The following CTNNA3 variants were observed in gnomAD, a reference collection of about 807,000 sequenced individuals.
CTNNA3 encodes the protein catenin alpha 3.
A neutral mutation model predicts 95.7 loss-of-function variants in CTNNA3; 76 were observed. That is an observed-to-expected ratio of 0.79 (90% CI 0.66 to 0.96). The LOEUF is 0.96. Ranked by LOEUF, CTNNA3 falls within the 40% of genes least tolerant of loss-of-function variation. CTNNA3 has a pLI of 0.00. For synonymous variants in CTNNA3, 431 were observed against 374.4 expected (o/e 1.15, Z -1.74); for missense variants, 1,191 against 1,089.8 (o/e 1.09, Z -1.31).
chr10:66,442,053 T>A (rs1162698772), intron 11 of CTNNA3, among the ~76,000 whole-genome samples: 1 of 152,196 alleles, frequency 6.6e-6, no homozygotes, highest in Non-Finnish European at 1.5e-5. Context: ...CAGTCAACCC[T>A]CTTTCTCCTG....
chr10:67,210,388 A>G lies in CTNNA3; in HGVS notation c.843+9219T>C, dbSNP rs141320774. On this transcript the variant is annotated intron_variant, in intron 6 of 17. Coordinates refer to ENST00000433211, the MANE Select transcript of CTNNA3 (RefSeq NM_013266.4). ...TTGCTAAAAAGAAAATTCTTTACAG[A>G]GAAGAAAATAAAAATTCAGATTTTT... 3.4e-3 allele frequency among the ~76,000 whole-genome samples: 515 copies of G among 152,352 alleles called. 1 individual carries two copies. Among genetic ancestry groups the G allele is most frequent in the African/African-American group, 0.012 (492 of 41,590 alleles).
chr10:66,386,131 G>C (rs1589173173), intron 11 of CTNNA3, among the ~76,000 whole-genome samples: 1 of 152,210 alleles, frequency 6.6e-6, no homozygotes, highest in East Asian at 1.9e-4. Context: ...AGGGTATTCA[G>C]TTAGGAAATG....
intron 1 of CTNNA3, among the ~76,000 whole-genome samples, chr10:67,724,568 T>C (rs1029170395): frequency 2.0e-5 from 3 of 152,126 alleles, no homozygotes; most frequent in African/African-American, 7.2e-5. Flanking sequence ...GGAGCCCACA[T>C]GTGCATATCC....
intron 7 of CTNNA3, among the ~76,000 whole-genome samples, chr10:66,935,032 C>G (rs1241119268): frequency 6.6e-6 from 1 of 152,060 alleles, no homozygotes; most frequent in Non-Finnish European, 1.5e-5. Flanking sequence ...ATAGCTTCAA[C>G]TGGGTGGCCC....
At chr10:67,265,999 C>T (rs1866809268) in intron 5 of CTNNA3, among the ~76,000 whole-genome samples, 1 of 152,078 alleles carries the variant, frequency 6.6e-6, no homozygotes, top group South Asian at 2.1e-4. Flanking sequence ...TTCATTCAAA[C>T]CTAGACTGAC....
At chr10:66,492,493 G>T in intron 11 of CTNNA3, among the ~76,000 whole-genome samples, 1 of 147,460 alleles carries the variant, frequency 6.8e-6, no homozygotes, top group Non-Finnish European at 1.5e-5. Flanking sequence ...TTGCTATGTT[G>T]CCCAGGTCAC....
chr10:66,602,382 T>TA lies in CTNNA3; in HGVS notation c.1374+19309dup, dbSNP rs1382626165. On this transcript the variant is annotated intron_variant, in intron 10 of 17. Coordinates refer to ENST00000433211, the MANE Select transcript of CTNNA3 (RefSeq NM_013266.4). ...GTATCTTAAGTTTTAAAGCTTTTTT[T>TA]AAAAAAACTGTTTATGTATTTAAGG... 9.7e-4 allele frequency among the ~76,000 whole-genome samples: 148 copies of TA among 152,032 alleles called. 1 individual carries two copies. Among genetic ancestry groups the TA allele is most frequent in the African/African-American group, 3.4e-3 (143 of 41,528 alleles).
intron 15 of CTNNA3, among the ~76,000 whole-genome samples, chr10:66,039,571 G>A (rs999066838): frequency 1.3e-5 from 2 of 152,066 alleles, no homozygotes; most frequent in African/African-American, 4.8e-5. Context: ...AAATAAGACT[G>A]CCCACACACC....
chr10:67,416,798 A>G (rs1038959681), intron 5 of CTNNA3, among the ~76,000 whole-genome samples: 1 of 152,018 alleles, frequency 6.6e-6, no homozygotes, highest in African/African-American at 2.4e-5. Flanking sequence ...CAAAAAAACA[A>G]CAGATGCAGA....
At position 67,130,880 on chromosome 10, in the gene CTNNA3, C is replaced by T. The variant is rs375744918; in HGVS notation, c.1047+49437G>A. 4.9e-4 allele frequency among the ~76,000 whole-genome samples: 75 copies of T among 152,128 alleles called. 2 individuals carry two copies. In the South Asian group the frequency reaches 0.015, roughly 30 times the overall value. On this transcript the variant is annotated intron_variant, in intron 7 of 17. Transcript: ENST00000433211. The stretch of plus-strand genomic sequence containing the variant: ...ACATTGGATACCCTTTCTTCCTCTG[C>T]TTGAATTGCATTAACTTCTGGCATT...
chr10:66,924,187 T>G (rs1202656561), intron 7 of CTNNA3, among the ~76,000 whole-genome samples: 2 of 152,176 alleles, frequency 1.3e-5, no homozygotes, highest in African/African-American at 4.8e-5. Context: ...TTCATGTGCA[T>G]TCACAGCTTA....
chr10:67,448,937 A>G (rs1410818828), intron 5 of CTNNA3, among the ~76,000 whole-genome samples: 2 of 151,252 alleles, frequency 1.3e-5, no homozygotes, highest in African/African-American at 4.8e-5. Context: ...AGCAAACCTC[A>G]TAGTCTCAGC....
chr10:66,906,915 G>A lies in CTNNA3; in HGVS notation c.1048-131391C>T, dbSNP rs541293645. Among the ~76,000 whole-genome samples, 14 of 152,164 alleles carry A rather than the reference G, an allele frequency of 9.2e-5. No homozygotes were observed. In the East Asian group the frequency reaches 1.5e-3, roughly 17 times the overall value. ...GTAACTGCTGACACTGAGCCTGAGC[G>A]ACACATACAGGGAAGTCCATTAATT... On this transcript the variant is annotated intron_variant, in intron 7 of 17. Transcript: ENST00000433211.
chr10:67,763,026 T>C (rs1841470776), intron 1 of CTNNA3, among the ~76,000 whole-genome samples: 1 of 152,124 alleles, frequency 6.6e-6, no homozygotes, highest in South Asian at 2.1e-4. Flanking sequence ...CCCAGCCAAA[T>C]AAAGCCCTTC....
chr10:66,206,962 A>G (rs910655664), intron 13 of CTNNA3, among the ~76,000 whole-genome samples: 1 of 151,910 alleles, frequency 6.6e-6, no homozygotes, highest in Non-Finnish European at 1.5e-5. Context: ...ATACCTTGGT[A>G]GTGTCTAATG....
chr10:67,073,416 C>T (rs1856571406), intron 7 of CTNNA3, among the ~76,000 whole-genome samples: 1 of 152,044 alleles, frequency 6.6e-6, no homozygotes, highest in African/African-American at 2.4e-5. Flanking sequence ...GTTTTTCCTT[C>T]AGTCTAAATA....
chr10:66,592,663 G>C (rs921061893), intron 10 of CTNNA3, among the ~76,000 whole-genome samples: 1 of 152,132 alleles, frequency 6.6e-6, no homozygotes, highest in African/African-American at 2.4e-5. Context: ...AAAGATGAAG[G>C]GATGGATATA....
intron 5 of CTNNA3, among the ~76,000 whole-genome samples, chr10:67,327,813 C>T (rs149657000): frequency 1.0e-3 from 158 of 152,330 alleles, no homozygotes; most frequent in African/African-American, 3.2e-3. Context: ...GCAAAGTCAA[C>T]GCAGCTGGGG....
At chr10:67,253,030 T>A (rs1240665905) in intron 5 of CTNNA3, among the ~76,000 whole-genome samples, 1 of 152,156 alleles carries the variant, frequency 6.6e-6, no homozygotes, top group Non-Finnish European at 1.5e-5. Flanking sequence ...CCTTACTAAT[T>A]CAAGAAATTT....
Sources: allele counts gnomAD v4.1 joint callset (sites outside exome capture counted in the v4.1 genomes callset), GRCh38; gene constraint gnomAD v4.1.1; transcripts MANE v1.5; gene names NCBI Gene and HGNC (gene_info 2026-07-23, HGNC 2026-07-21).